DISC1: variants seen among roughly 807,000 people sequenced by gnomAD.
DISC1 encodes disrupted in schizophrenia 1 protein.
In DISC1, 57 loss-of-function variants were observed where a neutral mutation model predicts 84.5. The ratio of observed to expected loss-of-function variants is 0.67; its 90% CI spans 0.55 to 0.84. DISC1 has a LOEUF of 0.84. Among genes scored for constraint, DISC1 ranks in the 40% least tolerant of loss-of-function variants. The probability of loss-of-function intolerance (pLI) is 0.00; values close to 1 mark genes in which losing one functional copy is unlikely to be tolerated. For missense variants in DISC1, 1,000 were observed against 1,057.8 expected, an observed-to-expected ratio of 0.95 and a Z score of 0.76; for synonymous variants, 411 against 415.2, an observed-to-expected ratio of 0.99 and a Z score of 0.12.
intron 9 of DISC1, among the ~76,000 whole-genome samples, chr1:231,823,099 C>G (rs1489070667): frequency 6.6e-6 from 1 of 152,110 alleles, no homozygotes; most frequent in Non-Finnish European, 1.5e-5. Flanking sequence ...TCTGAAGTTC[C>G]CAGATGCAGC....
At chr1:231,755,809 C>G (rs1428058038) in intron 4 of DISC1, among the ~76,000 whole-genome samples, 1 of 152,218 alleles carries the variant, frequency 6.6e-6, no homozygotes, top group Non-Finnish European at 1.5e-5. Flanking sequence ...CTGTCTGTCT[C>G]TCTCATTTCC....
intron 9 of DISC1, among the ~76,000 whole-genome samples, chr1:231,846,825 G>A (rs1309959466): frequency 6.6e-6 from 1 of 152,198 alleles, no homozygotes; most frequent in African/African-American, 2.4e-5. Flanking sequence ...CCTGTGATTA[G>A]TTCAGGAACT....
At chr1:231,717,921 A>G (rs1002203493) in intron 3 of DISC1, among the ~76,000 whole-genome samples, 6 of 152,158 alleles carry the variant, frequency 3.9e-5, no homozygotes, top group African/African-American at 1.4e-4. Context: ...TCTAAAGACT[A>G]TCTTTTTCCC....
At chr1:231,771,092 A>G (rs1185459243) in intron 6 of DISC1, 22 bp downstream of exon 6, 2 of 1,555,560 alleles carry the variant, frequency 1.3e-6, no homozygotes, top group South Asian at 1.2e-5. Flanking sequence ...TTCCTAACTG[A>G]TTTTGGGTCG....
In DISC1 at chr1:232,026,385, G is replaced by C. The variant is rs1245400013; in HGVS notation, c.2308-50G>C. On this transcript the variant is annotated intron_variant, in intron 11 of 12. Transcript: ENST00000439617. The stretch of plus-strand genomic sequence containing the variant: ...TCCAGGAAGCTTCCCTTTGTGTTCT[G>C]TCTGTGTCCACGGCACTAACAAGTG... 5 of 1,309,662 alleles carry C rather than the reference G, an allele frequency of 3.8e-6. No homozygotes were observed. In the East Asian group the frequency reaches 1.2e-4, roughly 32 times the overall value. 81.1% of individuals were successfully genotyped at this position (1,309,662 alleles called of 1,614,324 possible). A position where few individuals can be genotyped will look rare whatever the true frequency, so the allele number is the denominator to read the frequency against.
intron 4 of DISC1, among the ~76,000 whole-genome samples, chr1:231,758,954 G>A (rs1321869882): frequency 6.6e-6 from 1 of 152,032 alleles, no homozygotes; most frequent in Non-Finnish European, 1.5e-5. Flanking sequence ...GTCCTTTATC[G>A]AAGACCTTTT....
intron 1 of DISC1, among the ~76,000 whole-genome samples, chr1:231,688,112 T>C (rs574104988): frequency 1.2e-4 from 18 of 152,342 alleles, no homozygotes; most frequent in Middle Eastern, 3.4e-3. Flanking sequence ...CTTGTATGTC[T>C]TTGTTGACAT....
chr1:231,913,893 T>C (rs1324558297), intron 9 of DISC1, among the ~76,000 whole-genome samples: 1 of 152,236 alleles, frequency 6.6e-6, no homozygotes, highest in Non-Finnish European at 1.5e-5. Context: ...CATTTTTCCA[T>C]CTTGGTTCTG....
intron 11 of DISC1, among the ~76,000 whole-genome samples, chr1:232,021,216 T>TCCA (rs1668922493): frequency 6.6e-6 from 1 of 152,146 alleles, no homozygotes; most frequent in Non-Finnish European, 1.5e-5. Flanking sequence ...GAGCCACTTC[T>TCCA]CCCAAAGGTG....
At chr1:231,795,160 C>A in intron 6 of DISC1, 82 bp from the exon 7 acceptor site, 1 of 1,363,538 alleles carries the variant, frequency 7.3e-7, no homozygotes, top group East Asian at 2.3e-5. Flanking sequence ...GTGGAAGGTT[C>A]ACTTTTTGCA....
intron 8 of DISC1, among the ~76,000 whole-genome samples, chr1:231,809,525 A>G (rs1469529475): frequency 1.3e-3 from 26 of 20,146 alleles, no homozygotes; most frequent in Admixed American, 2.8e-3. Flanking sequence ...TTTTTTTTTG[A>G]AAAAAAAAAA....
chr1:231,677,174 C>A (rs2063235820), intron 1 of DISC1, among the ~76,000 whole-genome samples: 1 of 152,150 alleles, frequency 6.6e-6, no homozygotes, highest in Middle Eastern at 3.2e-3. Flanking sequence ...AGTTTGTAAA[C>A]TTCTATTGAC....
chr1:231,918,933 G>C (rs1356357459), intron 9 of DISC1, among the ~76,000 whole-genome samples: 1 of 152,188 alleles, frequency 6.6e-6, no homozygotes, highest in Non-Finnish European at 1.5e-5. Context: ...GTATGTGTTT[G>C]CTACATTCCA....
intron 9 of DISC1, among the ~76,000 whole-genome samples, chr1:231,865,071 C>T (rs2084954719): frequency 1.3e-5 from 2 of 152,140 alleles, no homozygotes; most frequent in South Asian, 4.1e-4. Flanking sequence ...CCTATTGAGT[C>T]CCTGTTTTAG....
At chr1:231,830,015 T>C (rs1250751855) in intron 9 of DISC1, among the ~76,000 whole-genome samples, 7 of 152,074 alleles carry the variant, frequency 4.6e-5, no homozygotes, top group African/African-American at 1.7e-4. Context: ...AGGCAGGAAC[T>C]GGCCATCTGG....
intron 10 of DISC1, among the ~76,000 whole-genome samples, chr1:232,002,704 A>AT (rs1212764831): frequency 6.6e-6 from 1 of 152,070 alleles, no homozygotes; most frequent in African/African-American, 2.4e-5. Context: ...AAATGACAAC[A>AT]TTTTAAAAAG....
At chr1:231,737,000 T>TG (rs1387800529) in intron 3 of DISC1, among the ~76,000 whole-genome samples, 1 of 152,260 alleles carries the variant, frequency 6.6e-6, no homozygotes, top group Non-Finnish European at 1.5e-5. Flanking sequence ...GAAAGCACTT[T>TG]TCTTTCATTC....
intron 9 of DISC1, among the ~76,000 whole-genome samples, chr1:231,838,589 CTAAAGCTGT>C (rs1355466987): frequency 3.3e-5 from 5 of 152,176 alleles, no homozygotes; most frequent in African/African-American, 1.2e-4. Flanking sequence ...GCCCTTTGGC[CTAAAGCTGT>C]TAACATTGGG....
intron 1 of DISC1, among the ~76,000 whole-genome samples, chr1:231,689,262 C>T (rs1418002786): frequency 2.0e-5 from 3 of 152,242 alleles, no homozygotes; most frequent in Non-Finnish European, 2.9e-5. Flanking sequence ...CAGCATTTTC[C>T]CTTCAGGAGA....
Sources: gnomAD v4.1 joint callset for allele counts (sites outside exome capture counted in the v4.1 genomes callset) on GRCh38, gnomAD v4.1.1 for gene constraint, MANE v1.5 for transcripts, NCBI Gene and HGNC (gene_info 2026-07-23, HGNC 2026-07-21) for gene names.